The following RPL3L variants were observed in gnomAD, a reference collection of about 807,000 sequenced individuals.
RPL3L encodes the protein ribosomal protein L3 like, also known as ribosomal protein uL3-like.
RPL3L carries 44 observed loss-of-function variants against 44.5 expected under a neutral mutation model. The observed-to-expected ratio is 0.99, with a 90% CI of 0.78 to 1.27. RPL3L has a LOEUF of 1.27. RPL3L is among the 50% of genes most tolerant of loss of function. The pLI, the probability that RPL3L is intolerant of heterozygous loss-of-function variation, is 0.00. For missense variants in RPL3L, 631 were observed against 569.1 expected, an observed-to-expected ratio of 1.11 and a Z score of -1.11; for synonymous variants, 292 against 230.7, an observed-to-expected ratio of 1.27 and a Z score of -2.41.
At position 1,944,464 on chromosome 16, in the gene RPL3L, C is replaced by T. The variant is rs2083104585; in HGVS notation, c.*373G>A. The T allele has an allele frequency of 5.6e-6, 1 of 179,940 alleles. No homozygotes were observed. The highest frequency in any genetic ancestry group is 5.6e-5 in the Admixed American group (1 of 17,752). The allele number at this position is 179,940 out of a possible 1,614,324, so 11.1% of individuals were successfully genotyped here. A position where few individuals can be genotyped will look rare whatever the true frequency, so the allele number is the denominator to read the frequency against. On this transcript the variant is annotated 3_prime_UTR_variant, in exon 10 of 10. Coordinates refer to ENST00000268661, the MANE Select transcript of RPL3L (RefSeq NM_005061.3). ...AATCGGCTCTCCTGGCTCACTGGCT[C>T]TCCCCACCCGCCAAGTTATCCTTAA...
intron 4 of RPL3L, among the ~76,000 whole-genome samples, chr16:1,948,485 A>G (rs1005208236): frequency 6.6e-5 from 10 of 152,086 alleles, no homozygotes; most frequent in Non-Finnish European, 1.2e-4. Context: ...TTGACCTCCC[A>G]AAGTGCTAGG....
intron 9 of RPL3L, 102 bp downstream of exon 9, chr16:1,945,397 T>A: frequency 7.6e-7 from 1 of 1,316,516 alleles, no homozygotes; most frequent in Non-Finnish European, 1.0e-6. Flanking sequence ...CTCCTGCAGT[T>A]GAGCTCAGGG....
intron 7 of RPL3L, 115 bp downstream of exon 7, chr16:1,946,510 G>T: frequency 9.1e-7 from 1 of 1,096,622 alleles, no homozygotes; most frequent in Non-Finnish European, 1.3e-6. Flanking sequence ...GGAGCGTCCA[G>T]CTGAGGCTGG....
At chr16:1,954,442 T>C (rs1034924119) in intron 1 of RPL3L, among the ~76,000 whole-genome samples, 187 bp downstream of exon 1, 3 of 152,052 alleles carry the variant, frequency 2.0e-5, no homozygotes, top group African/African-American at 7.2e-5. Context: ...CGCTGCCATC[T>C]GTTCATCTCC....
intron 4 of RPL3L, among the ~76,000 whole-genome samples, chr16:1,949,259 CTTTT>C (rs58248501): frequency 8.0e-5 from 6 of 75,236 alleles, no homozygotes; most frequent in African/African-American, 1.4e-4. Context: ...TTTTTTTTTT[CTTTT>C]TTTTTTTTTT....
At chr16:1,947,661 G>T (rs763352322) in intron 4 of RPL3L, among the ~76,000 whole-genome samples, 1 of 152,194 alleles carries the variant, frequency 6.6e-6, no homozygotes, top group Non-Finnish European at 1.5e-5. Context: ...GGCTATGGGG[G>T]CTGGTGTTTC....
intron 4 of RPL3L, among the ~76,000 whole-genome samples, chr16:1,948,243 T>A (rs2083140352): frequency 6.6e-6 from 1 of 151,682 alleles, no homozygotes; most frequent in Admixed American, 6.6e-5. Context: ...GGCCTTTTTT[T>A]AATGGAGTCT....
At chr16:1,946,542 C>G in intron 7 of RPL3L, 83 bp downstream of exon 7, 2 of 1,423,604 alleles carry the variant, frequency 1.4e-6, no homozygotes, top group African/African-American at 1.4e-5. Context: ...TACATGTATA[C>G]CAGGCCCCCC....
chr16:1,953,113 GC>G, intron 2 of RPL3L, 71 bp from the exon 3 acceptor site: 1 of 1,488,246 alleles, frequency 6.7e-7, no homozygotes, highest in Non-Finnish European at 9.0e-7. Flanking sequence ...GTGGAGAGCC[GC>G]CCACATAGGG....
intron 4 of RPL3L, among the ~76,000 whole-genome samples, chr16:1,948,669 G>C (rs888187079): frequency 6.6e-6 from 1 of 151,862 alleles, no homozygotes; most frequent in East Asian, 1.9e-4. Context: ...TGAGTAGCTG[G>C]GATGACAGGC....
At chr16:1,953,084 G>C (rs762436944) in intron 2 of RPL3L, 42 bp from the exon 3 acceptor site, 1 of 1,550,230 alleles carries the variant, frequency 6.5e-7, no homozygotes, top group South Asian at 1.2e-5. Flanking sequence ...GGGACCTCCT[G>C]AGGCCTGTGG....
At chr16:1,954,433 G>A (rs907198944) in intron 1 of RPL3L, among the ~76,000 whole-genome samples, 196 bp downstream of exon 1, 29 of 152,068 alleles carry the variant, frequency 1.9e-4, no homozygotes, top group Non-Finnish European at 2.6e-4. Context: ...GCAGGTGGCC[G>A]CTGCCATCTG....
Position 1,953,030 on chromosome 16 carries a change from C to T in RPL3L, c.209G>A (p.Arg70Gln), listed in dbSNP as rs371373659. Reference sequence around the variant, plus strand: ...AATTGTCACCGCCTCCACCTCCTCCCGTTTGGAAATTTCTGGATGAGACAC... The same window carrying T: ...AATTGTCACCGCCTCCACCTCCTCCTGTTTGGAAATTTCTGGATGAGACAC... ...VHRPGLKISK[R>Q]EEVEAVTIVE... Residue 70 changes from arginine to glutamine, a missense_variant, in exon 3 of 10, where the codon CGG becomes CAG. Coordinates refer to ENST00000268661, the MANE Select transcript of RPL3L (RefSeq NM_005061.3). 8 of 1,597,070 alleles carry T rather than the reference C, an allele frequency of 5.0e-6. No individual in the cohort carries two copies. The highest frequency in any genetic ancestry group is 6.0e-6 in the Non-Finnish European group (7 of 1,171,414).
intron 4 of RPL3L, among the ~76,000 whole-genome samples, chr16:1,949,244 G>GTTTTTTTGTTTTTTCTTTTTTT (rs2083149813): frequency 7.3e-5 from 6 of 81,960 alleles, no homozygotes; most frequent in African/African-American, 1.7e-4. Flanking sequence ...CCTGATTTTT[G>GTTTTTTTGTTTTTTCTTTTTTT]TTTTTTTTTT....
In RPL3L at chr16:1,954,088, T is replaced by G. The variant is rs761921697; in HGVS notation, c.64A>C (p.Ser22Arg). 4 of 1,603,292 alleles carry G rather than the reference T, an allele frequency of 2.5e-6. No homozygotes were observed. The highest frequency in any genetic ancestry group is 3.4e-6 in the Non-Finnish European group (4 of 1,176,026). The part of the protein sequence containing the change: ...GHLGFLPHKR[S>R]HRHRGKVKTW... ...TTCACCTTGCCCCGGTGCCGGTGGC[T>G]CCTCTTATGGGGCAGGAAGCCCAGG... The change falls in exon 2 of 10, where the codon AGC (serine) becomes CGC (arginine). Residue 22 changes from serine (S) to arginine (R), a missense_variant. By Grantham distance (110) the Ser-to-Arg change is moderately radical. Coordinates refer to ENST00000268661, the MANE Select transcript of RPL3L (RefSeq NM_005061.3).
rs1027002875 is a variant in RPL3L at position 1,952,952 on chromosome 16, G to T, written c.287C>A (p.Pro96His). ...GGTCTTGAAGCTCCGGAGACCTCGA[G>T]GGGTGGCCACGTAGCCCACCACGCC... ...VVGVVGYVAT[P>H]RGLRSFKTIF... The change falls in exon 3 of 10, where the codon CCT becomes CAT. Residue 96 changes from proline to histidine, a missense_variant. Pro to His is a moderately conservative substitution (Grantham distance 77). Coordinates refer to ENST00000268661, the MANE Select transcript of RPL3L (RefSeq NM_005061.3). 6.2e-7 allele frequency: 1 copy of T among 1,613,872 alleles called. No homozygotes were observed. The highest frequency in any genetic ancestry group is 8.5e-7 in the Non-Finnish European group (1 of 1,179,984).
Position 1,954,095 on chromosome 16 carries a change from A to G in RPL3L, c.57T>C (p.His19=). 6.2e-7 allele frequency: 1 copy of G among 1,602,534 alleles called. No individual in the cohort carries two copies. Among genetic ancestry groups the G allele is most frequent in the Non-Finnish European group, 8.5e-7 (1 of 1,175,606 alleles). ...TGCCCCGGTGCCGGTGGCTCCTCTT[A>G]TGGGGCAGGAAGCCCAGGTGTCCGT... ...PRHGHLGFLP[H]KRSHRHRGKV... is the part of the protein sequence containing the mutation. The change falls in exon 2 of 10, where the codon CAT becomes CAC. Residue 19 remains histidine (H), a synonymous_variant. Coordinates refer to ENST00000268661, the MANE Select transcript of RPL3L (RefSeq NM_005061.3).
At chr16:1,952,568 G>T (rs371627435) in intron 3 of RPL3L, among the ~76,000 whole-genome samples, 90 of 144,856 alleles carry the variant, frequency 6.2e-4, no homozygotes, top group African/African-American at 1.8e-3. Context: ...TAGAGATGGG[G>T]TTTCACCATG....
rs2083130707 is a variant in RPL3L, at chr16:1,947,301, A to C, written c.581T>G (p.Val194Gly). The change falls in exon 5 of 10, where the codon GTG becomes GGG. Residue 194 changes from valine (V) to glycine (G), a missense_variant. Val to Gly is a moderately radical substitution (Grantham distance 109). Transcript: ENST00000268661. ...QLNGGTVAEK[V>G]AWAQARLEKQ... ...CTCCAGCCGGGCCTGGGCCCAGGCC[A>C]CCTTCTCGGCCACCGTGCCACCGTT... The C allele has an allele frequency of 6.2e-7, 1 of 1,610,262 alleles. No homozygotes were observed. Among genetic ancestry groups the C allele is most frequent in the South Asian group, 1.1e-5 (1 of 90,932 alleles).
Sources: allele counts gnomAD v4.1 joint callset (sites outside exome capture counted in the v4.1 genomes callset), GRCh38; gene constraint gnomAD v4.1.1; transcripts MANE v1.5; gene names NCBI Gene and HGNC (gene_info 2026-07-23, HGNC 2026-07-21).